The following IHO1 variants were observed in gnomAD, a reference collection of about 807,000 sequenced individuals.
IHO1 encodes interactor of HORMAD1 protein 1.
Under a neutral mutation model 31.0 loss-of-function variants are expected in IHO1, and 13 were observed. That is an observed-to-expected ratio of 0.42 (90% confidence interval 0.27 to 0.67). The LOEUF (loss-of-function observed/expected upper bound fraction) is 0.67. IHO1 is among the 30% of genes least tolerant of loss of function. The pLI is 0.24. For synonymous variants in IHO1, 221 were observed against 248.4 expected, an observed-to-expected ratio of 0.89 and a Z score of 1.04; for missense variants, 599 against 687.5, an observed-to-expected ratio of 0.87 and a Z score of 1.44.
Position 49,241,315 on chromosome 3 carries a change from G to A in IHO1, c.321G>A (p.Leu107=). ...IKDGGLFPPP[L]SVGKSKGLLE... The stretch of plus-strand genomic sequence containing the variant: ...ATGGAGGTTTATTTCCTCCTCCTTT[G>A]TCAGTTGGAAAATCAAAAGGCCTCT... The change falls in exon 4 of 8, where the codon TTG becomes TTA. Residue 107 remains leucine (L), a synonymous_variant. Transcript: ENST00000452691. 1 of 1,613,688 alleles carries A rather than the reference G, an allele frequency of 6.2e-7. No individual in the cohort carries two copies. The highest frequency in any genetic ancestry group is 8.5e-7 in the Non-Finnish European group (1 of 1,179,778).
chr3:49,256,860 A>G lies in IHO1; in HGVS notation c.1363A>G (p.Arg455Gly). 1.9e-6 allele frequency: 3 copies of G among 1,614,268 alleles called. No individual in the cohort carries two copies. Among genetic ancestry groups the G allele is most frequent in the Non-Finnish European group, 2.5e-6 (3 of 1,180,044 alleles). The change falls in exon 8 of 8, where the codon AGG becomes GGG. Residue 455 changes from arginine (R) to glycine (G), a missense_variant. By Grantham distance (125) the Arg-to-Gly change is moderately radical. Coordinates refer to ENST00000452691, the MANE Select transcript of IHO1 (RefSeq NM_001135197.2). The surrounding 1 kb of genome is among the most constrained non-coding windows in gnomAD (Gnocchi z 4.6). Reference protein sequence around the residue: ...PRKAHRAHRGRLIASKQKQIP... With the variant: ...PRKAHRAHRGGLIASKQKQIP... ...GAAGGCCCACAGGGCCCACAGAGGCAGGCTCATAGCCAGCAAGCAAAAACA... is the reference window on the plus strand; with the variant it reads ...GAAGGCCCACAGGGCCCACAGAGGCGGGCTCATAGCCAGCAAGCAAAAACA...
intron 2 of IHO1, among the ~76,000 whole-genome samples, chr3:49,226,345 C>T (rs1277011014): frequency 1.3e-5 from 2 of 152,156 alleles, no homozygotes; most frequent in African/African-American, 2.4e-5. Flanking sequence ...ATAAACTTAT[C>T]TTTTAGGATC....
chr3:49,191,996 C>T, the IHO1 span: 2 of 593,174 alleles, frequency 3.4e-6, no homozygotes, highest in Non-Finnish European at 6.0e-6. Flanking sequence ...TTGGCATTAA[C>T]AGCCTGAAGA....
rs2046822483 is a variant in IHO1 at position 49,256,364 on chromosome 3, C to T, written c.867C>T (p.Tyr289=). The change falls in exon 8 of 8, where the codon TAC becomes TAT. Residue 289 remains tyrosine, a synonymous_variant. Coordinates refer to ENST00000452691, the MANE Select transcript of IHO1 (RefSeq NM_001135197.2). The surrounding 1 kb of genome is among the most constrained non-coding windows in gnomAD (Gnocchi z 4.6). ...TCAATCTCACCAGGCAGGAAAAATA[C>T]ACCTCTGAGAAACCAGTTTTATGGC... ...QSLNLTRQEK[Y]TSEKPVLWQA... 1.9e-6 allele frequency: 3 copies of T among 1,614,044 alleles called. No homozygotes were observed. Among genetic ancestry groups the T allele is most frequent in the African/African-American group, 1.3e-5 (1 of 74,906 alleles).
chr3:49,239,222 T>C (rs779853242), intron 3 of IHO1, among the ~76,000 whole-genome samples: 14 of 152,056 alleles, frequency 9.2e-5, no homozygotes, highest in Non-Finnish European at 1.8e-4. Context: ...TCCACCTGCA[T>C]TGGCCTCCCA....
At position 49,256,516 on chromosome 3, in the gene IHO1, G is replaced by C. The variant is rs751261394; in HGVS notation, c.1019G>C (p.Gly340Ala). The C allele has an allele frequency of 1.2e-6, 2 of 1,614,144 alleles. No individual in the cohort carries two copies. Among genetic ancestry groups the C allele is most frequent in the Non-Finnish European group, 1.7e-6 (2 of 1,180,040 alleles). ...GAAGAGGCTGCACTGCCAGCATTTG[G>C]GTCCCATGAAAGAAATAGGCATGTA... ...LQEEAALPAF[G>A]SHERNRHVKD... Residue 340 changes from glycine (G) to alanine (A), a missense_variant, in exon 8 of 8, where the codon GGG becomes GCG. Coordinates refer to ENST00000452691, the MANE Select transcript of IHO1 (RefSeq NM_001135197.2). This position sits in a 1 kb window ranked among gnomAD's most constrained non-coding sequence, Gnocchi z 4.6.
At chr3:49,234,738 C>T (rs1351181640) in intron 2 of IHO1, among the ~76,000 whole-genome samples, 1 of 152,156 alleles carries the variant, frequency 6.6e-6, no homozygotes, top group African/African-American at 2.4e-5. Context: ...GGCACACACA[C>T]TAAAATTAAT....
the IHO1 span, among the ~76,000 whole-genome samples, chr3:49,192,665 G>A: frequency 6.6e-6 from 1 of 152,148 alleles, no homozygotes. Context: ...GGGAGGCCGA[G>A]GTGGGCAAAT....
chr3:49,199,511 G>A lies in IHO1; in HGVS notation c.-78G>A, dbSNP rs973061654. 9.2e-5 allele frequency: 14 copies of A among 152,122 alleles called. No individual in the cohort carries two copies. The highest frequency in any genetic ancestry group is 3.4e-4 in the African/African-American group (14 of 41,412). The allele number at this position is 152,122 out of a possible 1,614,324, so 9.4% of individuals were successfully genotyped here. A position where few individuals can be genotyped will look rare whatever the true frequency, so the allele number is the denominator to read the frequency against. On this transcript the variant is annotated 5_prime_UTR_variant, in exon 1 of 8. Coordinates refer to ENST00000452691, the MANE Select transcript of IHO1 (RefSeq NM_001135197.2). ...GCGCGTGCCGTTGCAGAGGCAGCGG[G>A]ACGCGGCCACCTCGAAGCCACGTCA...
intron 1 of IHO1, among the ~76,000 whole-genome samples, chr3:49,203,027 C>T (rs2107678718): frequency 1.3e-5 from 2 of 151,774 alleles, no homozygotes; most frequent in Admixed American, 1.3e-4. Flanking sequence ...CGCGCCCGGC[C>T]AATTTTTTGT....
At chr3:49,237,280 G>A (rs2046571635) in intron 3 of IHO1, among the ~76,000 whole-genome samples, 1 of 152,134 alleles carries the variant, frequency 6.6e-6, no homozygotes, top group South Asian at 2.1e-4. Context: ...TCAGGAGGTA[G>A]AGGTTGCAGT....
At chr3:49,223,901 T>C (rs1258568253) in intron 2 of IHO1, among the ~76,000 whole-genome samples, 14 of 152,126 alleles carry the variant, frequency 9.2e-5, no homozygotes, top group Admixed American at 9.2e-4. Flanking sequence ...TAACTGCCAG[T>C]CCTCTCCAGG....
At chr3:49,227,349 C>G (rs1444533407) in intron 2 of IHO1, among the ~76,000 whole-genome samples, 2 of 152,142 alleles carry the variant, frequency 1.3e-5, no homozygotes, top group African/African-American at 4.8e-5. Context: ...AGGGCTGAGC[C>G]TGTTGATGCC....
chr3:49,236,546 A>T lies in IHO1; in HGVS notation c.57-2A>T. ...GATACACTTTTTTTTGCTAAATTTC[A>T]GGAACAAGAAGTCATCCAACTGGAA... On this transcript the variant is annotated splice_acceptor_variant, in intron 2 of 7. Coordinates refer to ENST00000452691, the MANE Select transcript of IHO1 (RefSeq NM_001135197.2). LOFTEE classifies it high-confidence loss of function. The T allele has an allele frequency of 6.3e-7, 1 of 1,596,292 alleles. No individual in the cohort carries two copies. The highest frequency in any genetic ancestry group is 1.8e-5 in the Admixed American group (1 of 56,710).
chr3:49,231,508 T>TGA (rs2046481635), intron 2 of IHO1, among the ~76,000 whole-genome samples: 1 of 152,216 alleles, frequency 6.6e-6, no homozygotes, highest in Non-Finnish European at 1.5e-5. Flanking sequence ...TAGCTGTAAT[T>TGA]GAGGTATTGA....
rs140901835 is a variant in IHO1 at position 49,216,219 on chromosome 3, C to T, written c.56+4383C>T. 6.2e-3 allele frequency among the ~76,000 whole-genome samples: 945 copies of T among 152,238 alleles called. 13 individuals carry two copies. Among genetic ancestry groups the T allele is most frequent in the African/African-American group, 0.02 (849 of 41,506 alleles). On this transcript the variant is annotated intron_variant, in intron 2 of 7. Transcript: ENST00000452691. ...GACAATTTTTCCACAGACCAGGATA[C>T]GGAGAAATTGTTTCAGAATGATTCA...
chr3:49,208,445 G>A (rs2046168273), intron 1 of IHO1, among the ~76,000 whole-genome samples: 1 of 152,204 alleles, frequency 6.6e-6, no homozygotes. Flanking sequence ...CTCCTTATGA[G>A]ACTCTAATGC....
intron 1 of IHO1, among the ~76,000 whole-genome samples, chr3:49,209,714 G>C (rs1172036604): frequency 2.6e-5 from 4 of 151,316 alleles, no homozygotes; most frequent in Non-Finnish European, 2.9e-5. Context: ...AAAAGCAAAT[G>C]ACATGTCTTT....
upstream of IHO1, among the ~76,000 whole-genome samples, chr3:49,196,475 C>T (rs1379251263): frequency 1.4e-5 from 2 of 147,636 alleles, no homozygotes; most frequent in Middle Eastern, 3.8e-3. Context: ...CCCACCACCA[C>T]GCCCGGCTAT....
Sources: allele counts gnomAD v4.1 joint callset (sites outside exome capture counted in the v4.1 genomes callset), GRCh38; gene constraint gnomAD v4.1.1; non-coding constraint Gnocchi (gnomAD v3.1); transcripts MANE v1.5; gene names NCBI Gene and HGNC (gene_info 2026-07-23, HGNC 2026-07-21).